The following ASPH variants were observed in gnomAD, a reference collection of about 807,000 sequenced individuals.
ASPH encodes aspartyl/asparaginyl beta-hydroxylase.
ASPH carries 100 observed loss-of-function variants against 118.4 expected under a neutral mutation model. The observed-to-expected ratio is 0.84, with a 90% CI of 0.72 to 1.00. The LOEUF (loss-of-function observed/expected upper bound fraction) is 1.00, where lower values mean the gene tolerates loss of function less well. ASPH is among the 50% of genes least tolerant of loss of function. The probability of loss-of-function intolerance (pLI) is 0.00; values close to 1 mark genes in which losing one functional copy is unlikely to be tolerated. For missense variants in ASPH, 920 were observed against 919.5 expected, an observed-to-expected ratio of 1.00 and a Z score of -0.01; for synonymous variants, 315 against 325.6, an observed-to-expected ratio of 0.97 and a Z score of 0.35.
At chr8:61,531,510 G>A (rs1817543882) in intron 21 of ASPH, among the ~76,000 whole-genome samples, 1 of 151,864 alleles carries the variant, frequency 6.6e-6, no homozygotes, top group Admixed American at 6.6e-5. Flanking sequence ...TATTTAGTTA[G>A]TAAATAATTT....
intron 21 of ASPH, among the ~76,000 whole-genome samples, chr8:61,546,889 C>T (rs1312515117): frequency 6.6e-6 from 1 of 152,196 alleles, no homozygotes; most frequent in Non-Finnish European, 1.5e-5. Flanking sequence ...ACATATCCAT[C>T]AGCCAGATTC....
chr8:61,704,732 C>T (rs1183865483), intron 1 of ASPH, among the ~76,000 whole-genome samples: 1 of 152,106 alleles, frequency 6.6e-6, no homozygotes, highest in Non-Finnish European at 1.5e-5. Flanking sequence ...TGCTTGACAT[C>T]ATTATTCATC....
chr8:61,557,484 C>T (rs59882706), intron 18 of ASPH, among the ~76,000 whole-genome samples: 46,144 of 152,010 alleles, frequency 0.3, 9,398 homozygotes, highest in African/African-American at 0.58. Context: ...CCCTTACCTC[C>T]GTGAAGCCTA....
chr8:61,665,211 C>A, intron 3 of ASPH: 1 of 1,531,614 alleles, frequency 6.5e-7, no homozygotes. Context: ...AAACTGCAAT[C>A]TGGAACATGA....
chr8:61,519,199 A>T (rs575695941), intron 22 of ASPH, among the ~76,000 whole-genome samples: 1 of 152,332 alleles, frequency 6.6e-6, no homozygotes, highest in South Asian at 2.1e-4. Context: ...GCTTCCATGC[A>T]TATGTTGATA....
At chr8:61,592,827 T>G (rs1275290431) in intron 14 of ASPH, among the ~76,000 whole-genome samples, 2 of 152,222 alleles carry the variant, frequency 1.3e-5, no homozygotes, top group African/African-American at 4.8e-5. Context: ...TTAAAATCAC[T>G]GATAGATTTC....
chr8:61,587,573 T>C (rs1463324859), intron 14 of ASPH, among the ~76,000 whole-genome samples: 3 of 152,168 alleles, frequency 2.0e-5, no homozygotes, highest in Admixed American at 6.5e-5. Context: ...GTTTAGGACA[T>C]CCAAAACAGT....
chr8:61,643,301 AAAGAAAAATC>A, intron 9 of ASPH, 75 bp downstream of exon 9: 1 of 1,385,252 alleles, frequency 7.2e-7, no homozygotes, highest in Non-Finnish European at 9.8e-7. Flanking sequence ...GATGCCTTTA[AAAGAAAAATC>A]ACCATGTAAA....
At chr8:61,713,375 C>A (rs1162173986) in intron 1 of ASPH, among the ~76,000 whole-genome samples, 1 of 152,210 alleles carries the variant, frequency 6.6e-6, no homozygotes, top group Non-Finnish European at 1.5e-5. Context: ...ACTTCTTTGA[C>A]TATAGCTGAT....
rs1804914046 is a variant in ASPH, at chr8:61,501,413, A to AAGTT, written c.*1942_*1945dup. ...TTTTAAATACCATATTATATTTACTAAGTTAAGAGCTAGTTTTTACTCTCT... is the reference window on the plus strand; with the variant it reads ...TTTTAAATACCATATTATATTTACTAAGTTAGTTAAGAGCTAGTTTTTACTCTCT... On this transcript the variant is annotated 3_prime_UTR_variant, in exon 25 of 25. Transcript: ENST00000379454. The AAGTT allele has an allele frequency of 6.6e-6, 1 of 152,120 alleles. No homozygotes were observed. The highest frequency in any genetic ancestry group is 2.4e-5 in the African/African-American group (1 of 41,442). 9.4% of individuals were successfully genotyped at this position (152,120 alleles called of 1,614,324 possible). A position where few individuals can be genotyped will look rare whatever the true frequency, so the allele number is the denominator to read the frequency against.
chr8:61,505,493 CAAAAAA>C (rs59845860), intron 24 of ASPH, among the ~76,000 whole-genome samples: 3 of 110,548 alleles, frequency 2.7e-5, no homozygotes, highest in Admixed American at 9.1e-5. Context: ...GACTCCATCT[CAAAAAA>C]AAAAAAAAAA....
At chr8:61,697,044 T>A (rs1014834156) in intron 1 of ASPH, among the ~76,000 whole-genome samples, 5 of 152,142 alleles carry the variant, frequency 3.3e-5, no homozygotes, top group African/African-American at 1.2e-4. Context: ...GTTCCCACTT[T>A]CTGGAGCAAA....
At chr8:61,625,591 C>T (rs1344912663) in intron 13 of ASPH, 1 of 983,812 alleles carries the variant, frequency 1.0e-6, no homozygotes, top group African/African-American at 1.8e-5. Context: ...CAGCTTTCCC[C>T]TCTCATTTAA....
chr8:61,570,899 G>A (rs1404252538), intron 16 of ASPH, among the ~76,000 whole-genome samples: 1 of 152,108 alleles, frequency 6.6e-6, no homozygotes, highest in African/African-American at 2.4e-5. Flanking sequence ...TTAATATTTT[G>A]TGTCCAATGT....
chr8:61,559,899 C>A (rs762689298), intron 18 of ASPH, among the ~76,000 whole-genome samples: 2 of 150,106 alleles, frequency 1.3e-5, no homozygotes, highest in African/African-American at 4.9e-5. Context: ...GATTTAAAGC[C>A]GAGGGAGATG....
chr8:61,709,736 A>T (rs1837620948), intron 1 of ASPH, among the ~76,000 whole-genome samples: 4 of 152,202 alleles, frequency 2.6e-5, no homozygotes, highest in Admixed American at 2.0e-4. Flanking sequence ...TATTTTCATG[A>T]TATTAAAACA....
intron 6 of ASPH, among the ~76,000 whole-genome samples, chr8:61,646,145 G>A (rs531799731): frequency 1.3e-5 from 2 of 152,290 alleles, no homozygotes; most frequent in East Asian, 1.9e-4. Context: ...TGTTCAAGCC[G>A]CTGCACTTAC....
At chr8:61,712,090 C>T (rs1838187599) in intron 1 of ASPH, among the ~76,000 whole-genome samples, 1 of 152,150 alleles carries the variant, frequency 6.6e-6, no homozygotes, top group African/African-American at 2.4e-5. Flanking sequence ...TTTCCATGAA[C>T]TAAACAACCT....
At chr8:61,672,481 A>G (rs1449649513) in intron 3 of ASPH, among the ~76,000 whole-genome samples, 1 of 152,112 alleles carries the variant, frequency 6.6e-6, no homozygotes, top group East Asian at 1.9e-4. Flanking sequence ...ATTGCAAAAA[A>G]TATGTCCAAT....
Sources: gnomAD v4.1 joint callset for allele counts (sites outside exome capture counted in the v4.1 genomes callset) on GRCh38, gnomAD v4.1.1 for gene constraint, MANE v1.5 for transcripts, NCBI Gene and HGNC (gene_info 2026-07-23, HGNC 2026-07-21) for gene names.